The following PPP2R5A variants were observed in gnomAD, a reference collection of about 807,000 sequenced individuals.
PPP2R5A encodes protein phosphatase 2 regulatory subunit B'alpha, also known as serine/threonine-protein phosphatase 2A 56 kDa regulatory subunit alpha isoform.
PPP2R5A carries 25 observed loss-of-function variants against 64.2 expected under a neutral mutation model. That is an observed-to-expected ratio of 0.39 (90% CI 0.28 to 0.54). PPP2R5A has a LOEUF of 0.54. Ranked by LOEUF, PPP2R5A falls within the 20% of genes least tolerant of loss-of-function variation. The probability of loss-of-function intolerance (pLI) is 0.67; values close to 1 mark genes in which losing one functional copy is unlikely to be tolerated. For synonymous variants in PPP2R5A, 198 were observed against 201.2 expected, an observed-to-expected ratio of 0.98 and a Z score of 0.13; for missense variants, 425 against 576.3, an observed-to-expected ratio of 0.74 and a Z score of 2.69.
At chr1:212,290,509 A>T (rs1280442811) in intron 1 of PPP2R5A, among the ~76,000 whole-genome samples, 3 of 152,224 alleles carry the variant, frequency 2.0e-5, no homozygotes, top group Admixed American at 2.0e-4. Flanking sequence ...CTTCTGGAAG[A>T]TTTATTTTTA....
intron 6 of PPP2R5A, among the ~76,000 whole-genome samples, chr1:212,347,633 G>A (rs1032734350): frequency 6.6e-6 from 1 of 151,006 alleles, no homozygotes; most frequent in East Asian, 2.0e-4. Context: ...TCTGCCTCCC[G>A]GGTTCAAGAG....
chr1:212,341,270 G>C (rs971570322), intron 3 of PPP2R5A, among the ~76,000 whole-genome samples: 1 of 152,162 alleles, frequency 6.6e-6, no homozygotes, highest in African/African-American at 2.4e-5. Flanking sequence ...TAGTTTATTT[G>C]CTGTGGTTGG....
chr1:212,340,469 C>T (rs1450936729), intron 3 of PPP2R5A, among the ~76,000 whole-genome samples: 1 of 152,118 alleles, frequency 6.6e-6, no homozygotes, highest in Non-Finnish European at 1.5e-5. Context: ...TAAGTTGTGC[C>T]GTTAATGAAA....
At chr1:212,326,244 T>G (rs1659405832) in intron 1 of PPP2R5A, among the ~76,000 whole-genome samples, 1 of 145,652 alleles carries the variant, frequency 6.9e-6, no homozygotes, top group African/African-American at 2.7e-5. Context: ...AATTCAATGT[T>G]TTTTTTTTTT....
At chr1:212,346,274 C>A (rs192128653) in intron 5 of PPP2R5A, among the ~76,000 whole-genome samples, 1 of 151,446 alleles carries the variant, frequency 6.6e-6, no homozygotes, top group Non-Finnish European at 1.5e-5. Context: ...ATATATGTAA[C>A]GTAGTATATA....
At chr1:212,318,201 A>G (rs1659196057) in intron 1 of PPP2R5A, among the ~76,000 whole-genome samples, 1 of 152,224 alleles carries the variant, frequency 6.6e-6, no homozygotes, top group Admixed American at 6.5e-5. Context: ...CAGTCATAAT[A>G]AATTGAAGTA....
intron 11 of PPP2R5A, chr1:212,357,514 T>G (rs577634233): frequency 5.9e-6 from 2 of 339,480 alleles, no homozygotes; most frequent in East Asian, 1.2e-4. Context: ...TAAAATTTTT[T>G]TAGAGACAGC....
intron 8 of PPP2R5A, 93 bp downstream of exon 8, chr1:212,349,335 A>C (rs1659836272): frequency 2.2e-6 from 2 of 914,518 alleles, no homozygotes; most frequent in Non-Finnish European, 3.2e-6. Flanking sequence ...ATTAAGTAGA[A>C]TAATGTACGT....
intron 5 of PPP2R5A, among the ~76,000 whole-genome samples, chr1:212,346,218 A>ATATATATGTAACATATATATGTAACATAG (rs1444328249): frequency 5.9e-5 from 9 of 151,988 alleles, no homozygotes; most frequent in African/African-American, 1.7e-4. Context: ...TGTACGTAGT[A>ATATATATGTAACATATATATGTAACATAG]TATATATGTA....
intron 2 of PPP2R5A, among the ~76,000 whole-genome samples, chr1:212,330,852 CA>C (rs767640542): frequency 7.4e-5 from 11 of 149,568 alleles, no homozygotes; most frequent in Non-Finnish European, 1.0e-4. Context: ...TAAAAGCCTT[CA>C]AAAAAAAATT....
At chr1:212,346,773 C>G (rs953529403) in intron 5 of PPP2R5A, among the ~76,000 whole-genome samples, 6 of 152,110 alleles carry the variant, frequency 3.9e-5, no homozygotes, top group Admixed American at 3.9e-4. Context: ...TTACTATTCC[C>G]ACATTGCAAC....
intron 1 of PPP2R5A, among the ~76,000 whole-genome samples, chr1:212,321,694 A>C (rs1184257781): frequency 0.03 from 4,082 of 138,288 alleles, 232 homozygotes; most frequent in African/African-American, 0.12. Context: ...GACACTCCTC[A>C]CTTTCCAGAC....
intron 6 of PPP2R5A, 28 bp from the exon 7 acceptor site, chr1:212,348,360 AC>A (rs767562942): frequency 7.1e-7 from 1 of 1,414,436 alleles, no homozygotes; most frequent in Non-Finnish European, 1.0e-6. Context: ...TAACTACTTA[AC>A]CCTTCCCCTG....
In PPP2R5A at chr1:212,345,819, A is replaced by G. The variant is rs1358993216; in HGVS notation, c.590A>G (p.Asp197Gly). The G allele has an allele frequency of 3.1e-6, 5 of 1,599,164 alleles. No individual in the cohort carries two copies. Among genetic ancestry groups the G allele is most frequent in the Admixed American group, 1.8e-5 (1 of 54,924 alleles). ...KFVQQLLELF[D>G]SEDPRERDFL... The stretch of plus-strand genomic sequence containing the variant: ...CTTTTAAAGCTCCTGGAGCTTTTTG[A>G]TAGTGAAGATCCCAGAGAACGTGAC... Residue 197 changes from aspartate to glycine, a missense_variant, in exon 5 of 13, where the codon GAT (aspartate) becomes GGT (glycine). Coordinates refer to ENST00000261461, the MANE Select transcript of PPP2R5A (RefSeq NM_006243.4).
chr1:212,302,067 A>G, intron 1 of PPP2R5A: 1 of 1,529,266 alleles, frequency 6.5e-7, no homozygotes, highest in Non-Finnish European at 8.8e-7. Flanking sequence ...AAGAAGGGCA[A>G]GAAGAGGAAG....
At chr1:212,286,681 C>T (rs1453787143) in intron 1 of PPP2R5A, among the ~76,000 whole-genome samples, 1 of 152,160 alleles carries the variant, frequency 6.6e-6, no homozygotes, top group Non-Finnish European at 1.5e-5. Context: ...CTTCACTTTC[C>T]CGAGTGTCAG....
At chr1:212,329,826 A>G (rs764260021) in intron 2 of PPP2R5A, among the ~76,000 whole-genome samples, 4 of 152,070 alleles carry the variant, frequency 2.6e-5, no homozygotes, top group Non-Finnish European at 4.4e-5. Context: ...TTGTATCTTC[A>G]GTAGAGATGG....
Position 212,361,818 on chromosome 1 carries a change from G to C in PPP2R5A, c.*1048G>C, listed in dbSNP as rs1365622876. ...TTTTGTAATGAAAGATCTTCATTGG[G>C]GGATTGAGCAGCATTTAATAAAGTC... is the stretch of plus-strand genomic sequence containing the variant. On this transcript the variant is annotated 3_prime_UTR_variant, in exon 13 of 13. Coordinates refer to ENST00000261461, the MANE Select transcript of PPP2R5A (RefSeq NM_006243.4). The C allele has an allele frequency of 6.6e-6, 1 of 152,608 alleles. No homozygotes were observed. Among genetic ancestry groups the C allele is most frequent in the Non-Finnish European group, 1.5e-5 (1 of 68,028 alleles). The allele number at this position is 152,608 out of a possible 1,614,324, so 9.5% of individuals were successfully genotyped here.
At chr1:212,311,667 A>G (rs1659036756) in intron 1 of PPP2R5A, among the ~76,000 whole-genome samples, 1 of 152,058 alleles carries the variant, frequency 6.6e-6, no homozygotes, top group Non-Finnish European at 1.5e-5. Flanking sequence ...AGATGTGGAG[A>G]TGAGACAGTG....
Sources: allele counts gnomAD v4.1 joint callset (sites outside exome capture counted in the v4.1 genomes callset), GRCh38; gene constraint gnomAD v4.1.1; transcripts MANE v1.5; gene names NCBI Gene and HGNC (gene_info 2026-07-23, HGNC 2026-07-21).